The following SPAG1 variants were observed in gnomAD, a reference collection of about 807,000 sequenced individuals.
SPAG1 encodes the protein sperm-associated antigen 1.
In SPAG1, 69 loss-of-function variants were observed where a neutral mutation model predicts 100.5. The observed-to-expected ratio is 0.69, with a 90% CI of 0.57 to 0.84. SPAG1 has a LOEUF of 0.84. SPAG1 is among the 40% of genes least tolerant of loss of function. The pLI is 0.00. For synonymous variants in SPAG1, 336 were observed against 411.6 expected, an observed-to-expected ratio of 0.82 and a Z score of 2.22; for missense variants, 955 against 1,133.1, an observed-to-expected ratio of 0.84 and a Z score of 2.26.
chr8:100,187,345 C>A, intron 8 of SPAG1, 95 bp downstream of exon 8: 2 of 1,041,502 alleles, frequency 1.9e-6, no homozygotes, highest in Non-Finnish European at 2.6e-6. Flanking sequence ...AAAAATATTT[C>A]AGATAAACTC....
rs1251142238 is a variant in SPAG1, at chr8:100,194,486, TCA to T, written c.1096+219_1096+220del. On this transcript the variant is annotated intron_variant, in intron 10 of 18. Transcript: ENST00000388798. ...TTAACCTGTCACCTTTTTCTAGTGC[TCA>T]GTTTAATTCCTGGTCATCACCTTTA... 9.6e-6 allele frequency: 6 copies of T among 622,086 alleles called. No individual in the cohort carries two copies. In the African/African-American group the frequency reaches 1.1e-4, roughly 12 times the overall value. 38.5% of individuals were successfully genotyped at this position (622,086 alleles called of 1,614,324 possible). A position where few individuals can be genotyped will look rare whatever the true frequency, so the allele number is the denominator to read the frequency against.
At chr8:100,236,824 T>A (rs575061417) in intron 16 of SPAG1, among the ~76,000 whole-genome samples, 1 of 152,274 alleles carries the variant, frequency 6.6e-6, no homozygotes, top group East Asian at 1.9e-4. Flanking sequence ...TTACACCCAA[T>A]AGAGGGTGCT....
At chr8:100,231,943 A>G (rs1409189896) in intron 15 of SPAG1, among the ~76,000 whole-genome samples, 1 of 150,118 alleles carries the variant, frequency 6.7e-6, no homozygotes, top group Non-Finnish European at 1.5e-5. Context: ...GCCTGGGTGA[A>G]AGAGCAAGAC....
At chr8:100,178,689 T>G (rs1473335860) in intron 4 of SPAG1, among the ~76,000 whole-genome samples, 1 of 152,268 alleles carries the variant, frequency 6.6e-6, no homozygotes, top group Non-Finnish European at 1.5e-5. Context: ...CACTCTGCTC[T>G]CTGATAATTT....
intron 10 of SPAG1, among the ~76,000 whole-genome samples, chr8:100,209,524 ATTTAAGGATTGTCT>A (rs1472540868): frequency 6.6e-6 from 1 of 151,200 alleles, no homozygotes; most frequent in African/African-American, 2.4e-5. Flanking sequence ...TATTGTATGA[ATTTAAGGATTGTCT>A]TTTCCATTTC....
At chr8:100,184,788 T>C in intron 7 of SPAG1, 55 bp downstream of exon 7, 2 of 990,886 alleles carry the variant, frequency 2.0e-6, no homozygotes, top group Non-Finnish European at 3.0e-6. Flanking sequence ...GATAATGTTT[T>C]AATTGTTGAA....
chr8:100,212,948 G>C, intron 10 of SPAG1, 142 bp from the exon 11 acceptor site: 1 of 617,326 alleles, frequency 1.6e-6, no homozygotes, highest in Non-Finnish European at 2.5e-6. Flanking sequence ...CGGCAGCACA[G>C]GCTCCGCCCG....
intron 11 of SPAG1, 93 bp downstream of exon 11, chr8:100,213,521 T>C: frequency 9.9e-7 from 1 of 1,006,860 alleles, no homozygotes; most frequent in Non-Finnish European, 1.3e-6. Flanking sequence ...TGCCGCCTCC[T>C]GAATGACAGG....
In SPAG1 at chr8:100,162,715, C is replaced by T. The variant is rs56321830; in HGVS notation, c.140+295C>T. On this transcript the variant is annotated intron_variant, in intron 2 of 18. Transcript: ENST00000388798. ...CATTAGGATGGGCTGTGATGGCTCA[C>T]GCCTGCAACCCCAGCACTTTGGGAG... 0.17 allele frequency among the ~76,000 whole-genome samples: 25,389 copies of T among 152,090 alleles called. 2,235 individuals carry two copies. The highest frequency in any genetic ancestry group is 0.21 in the South Asian group (1,030 of 4,822).
intron 4 of SPAG1, 93 bp downstream of exon 4, chr8:100,178,034 T>C: frequency 1.0e-6 from 1 of 1,002,600 alleles, no homozygotes; most frequent in Non-Finnish European, 1.5e-6. Context: ...GCAGCCTATG[T>C]GTGATGTCCT....
intron 12 of SPAG1, among the ~76,000 whole-genome samples, chr8:100,218,888 T>C (rs528225942): frequency 6.6e-6 from 1 of 152,322 alleles, no homozygotes; most frequent in Non-Finnish European, 1.5e-5. Context: ...TGTACTGCGG[T>C]AGGCAGAGTG....
At chr8:100,159,963 G>A (rs2132175714) in intron 1 of SPAG1, among the ~76,000 whole-genome samples, 1 of 152,264 alleles carries the variant, frequency 6.6e-6, no homozygotes, top group South Asian at 2.1e-4. Flanking sequence ...GATAAGCTAT[G>A]GCACATGGTA....
chr8:100,209,840 C>T (rs997268687), intron 10 of SPAG1, among the ~76,000 whole-genome samples: 2 of 150,036 alleles, frequency 1.3e-5, no homozygotes, highest in South Asian at 4.2e-4. Context: ...ATCTTATACC[C>T]TACAACTTAG....
intron 16 of SPAG1, 41 bp downstream of exon 16, chr8:100,233,578 A>T: frequency 6.5e-7 from 1 of 1,540,610 alleles, no homozygotes; most frequent in Non-Finnish European, 8.8e-7. Context: ...TTCAGCTCTG[A>T]ACAAATCAAG....
intron 12 of SPAG1, among the ~76,000 whole-genome samples, chr8:100,215,859 G>A (rs1004832967): frequency 6.6e-6 from 1 of 152,208 alleles, no homozygotes; most frequent in Non-Finnish European, 1.5e-5. Flanking sequence ...GCTAGTATCT[G>A]TGCCTAAGTT....
At chr8:100,168,979 G>A (rs1292496405) in intron 3 of SPAG1, among the ~76,000 whole-genome samples, 2 of 151,812 alleles carry the variant, frequency 1.3e-5, no homozygotes, top group African/African-American at 2.4e-5. Context: ...GAGCCACCAC[G>A]CCCGGCCTCT....
intron 3 of SPAG1, among the ~76,000 whole-genome samples, chr8:100,175,529 G>A (rs150720074): frequency 4.6e-5 from 7 of 152,074 alleles, no homozygotes; most frequent in Non-Finnish European, 7.4e-5. Context: ...CTCGTGATCC[G>A]TCTGCCTCAG....
chr8:100,186,429 A>T (rs954868886), intron 7 of SPAG1, among the ~76,000 whole-genome samples: 4 of 151,984 alleles, frequency 2.6e-5, no homozygotes, highest in East Asian at 1.9e-4. Flanking sequence ...GGTTTTTTTT[A>T]AAGTGATCTA....
chr8:100,207,294 G>T (rs1181478460), intron 10 of SPAG1, among the ~76,000 whole-genome samples: 1 of 152,180 alleles, frequency 6.6e-6, no homozygotes, highest in Non-Finnish European at 1.5e-5. Flanking sequence ...GTTACATGAG[G>T]AGGTGGCTCA....
Sources: gnomAD v4.1 joint callset for allele counts (sites outside exome capture counted in the v4.1 genomes callset) on GRCh38, gnomAD v4.1.1 for gene constraint, MANE v1.5 for transcripts, NCBI Gene and HGNC (gene_info 2026-07-23, HGNC 2026-07-21) for gene names.